HHAT: variants seen among roughly 807,000 people sequenced by gnomAD.
HHAT encodes protein-cysteine N-palmitoyltransferase HHAT.
In HHAT, 47 loss-of-function variants were observed where a neutral mutation model predicts 70.8. That is an observed-to-expected ratio of 0.66 (90% CI 0.53 to 0.85). The LOEUF is 0.85. Among genes scored for constraint, HHAT ranks in the 40% least tolerant of loss-of-function variants. HHAT has a pLI of 0.00. For synonymous variants in HHAT, 228 were observed against 247.6 expected (o/e 0.92, Z 0.74); for missense variants, 609 against 604.8 (o/e 1.01, Z -0.07).
intron 4 of HHAT, among the ~76,000 whole-genome samples, chr1:210,391,166 T>C (rs953253901): frequency 6.6e-5 from 10 of 152,326 alleles, no homozygotes; most frequent in African/African-American, 2.4e-4. Flanking sequence ...ATATCTATTG[T>C]TTTTTGACTT....
At position 210,463,962 on chromosome 1, in the gene HHAT, ATAAT is replaced by A. The variant is rs534328958; in HGVS notation, c.857-541_857-538del. Among the ~76,000 whole-genome samples the A allele has an allele frequency of 2.0e-5, 3 of 152,372 alleles. No homozygotes were observed. The South Asian group carries it at 6.2e-4, about 32-fold the overall frequency. ...ACAGCAAACAGGCATACGATGCATA[ATAAT>A]TGATACAGGCATTCAGTGTGTAATA... On this transcript the variant is annotated intron_variant, in intron 7 of 11. Transcript: ENST00000261458.
At chr1:210,563,448 G>A (rs1440384472) in intron 9 of HHAT, among the ~76,000 whole-genome samples, 2 of 152,138 alleles carry the variant, frequency 1.3e-5, no homozygotes, top group African/African-American at 4.8e-5. Flanking sequence ...GGCAGTTTAT[G>A]GGATAGTGGG....
intron 6 of HHAT, among the ~76,000 whole-genome samples, chr1:210,412,691 C>T (rs898438615): frequency 3.9e-5 from 6 of 152,198 alleles, no homozygotes; most frequent in Non-Finnish European, 1.5e-5. Context: ...CCTCTGGACA[C>T]ATGGTGGTGG....
intron 9 of HHAT, among the ~76,000 whole-genome samples, chr1:210,569,473 C>G (rs1018677449): frequency 6.0e-5 from 9 of 148,990 alleles, no homozygotes; most frequent in Non-Finnish European, 7.4e-5. Flanking sequence ...TTATAATGTA[C>G]CTACATGTCT....
At chr1:210,400,353 G>A (rs1022898537) in intron 4 of HHAT, 115 bp from the exon 5 acceptor site, 25 of 927,334 alleles carry the variant, frequency 2.7e-5, no homozygotes, top group African/African-American at 1.7e-4. Flanking sequence ...GTAATTAAAC[G>A]TGATCCTCTT....
intron 11 of HHAT, among the ~76,000 whole-genome samples, chr1:210,663,421 G>A (rs369391783): frequency 5.3e-5 from 8 of 152,186 alleles, no homozygotes; most frequent in African/African-American, 9.7e-5. Flanking sequence ...GAGCTTCAAT[G>A]GTCAAGTGTA....
chr1:210,447,042 A>T (rs181710796), intron 7 of HHAT, among the ~76,000 whole-genome samples: 14 of 152,180 alleles, frequency 9.2e-5, no homozygotes, highest in African/African-American at 3.1e-4. Flanking sequence ...GTCAGGCTAA[A>T]CCCCTTTATA....
At chr1:210,510,721 C>T (rs1253703602) in intron 8 of HHAT, among the ~76,000 whole-genome samples, 1 of 152,176 alleles carries the variant, frequency 6.6e-6, no homozygotes, top group Non-Finnish European at 1.5e-5. Context: ...CTGGGCATAC[C>T]AGTACCTGCC....
At chr1:210,495,898 C>CT (rs1016048502) in intron 8 of HHAT, among the ~76,000 whole-genome samples, 2 of 149,616 alleles carry the variant, frequency 1.3e-5, no homozygotes, top group Non-Finnish European at 3.0e-5. Context: ...ATCCCAGCTA[C>CT]TTGGGAGTCT....
chr1:210,335,120 A>C (rs908311923), intron 1 of HHAT, among the ~76,000 whole-genome samples: 1 of 152,178 alleles, frequency 6.6e-6, no homozygotes, highest in East Asian at 1.9e-4. Context: ...AATGCTCATA[A>C]AGACAGACAC....
chr1:210,340,720 CAG>C (rs772287536), intron 1 of HHAT, among the ~76,000 whole-genome samples: 1 of 152,080 alleles, frequency 6.6e-6, no homozygotes, highest in African/African-American at 2.4e-5. Context: ...ATTTTTTTAT[CAG>C]AGAGTGTCTA....
intron 8 of HHAT, among the ~76,000 whole-genome samples, chr1:210,489,837 C>CTAT (rs545265236): frequency 6.6e-6 from 1 of 152,156 alleles, no homozygotes; most frequent in Non-Finnish European, 1.5e-5. Flanking sequence ...GATGCTCACC[C>CTAT]TATATCACTT....
chr1:210,638,689 C>A (rs544432365), intron 11 of HHAT, among the ~76,000 whole-genome samples: 2 of 131,912 alleles, frequency 1.5e-5, no homozygotes, highest in South Asian at 2.4e-4. Flanking sequence ...ATTTCGAGAC[C>A]AGCTTAAGCA....
At chr1:210,395,581 C>A (rs189696520) in intron 4 of HHAT, among the ~76,000 whole-genome samples, 363 of 152,234 alleles carry the variant, frequency 2.4e-3, no homozygotes, top group African/African-American at 8.4e-3. Context: ...GAGATTTCCC[C>A]CAACAGAAGT....
intron 10 of HHAT, among the ~76,000 whole-genome samples, chr1:210,609,423 G>GTGT (rs140432386): frequency 0.015 from 2,211 of 152,020 alleles, 59 homozygotes; most frequent in African/African-American, 0.05. Flanking sequence ...ATGTAATGGT[G>GTGT]TGTTAATTCT....
chr1:210,385,165 C>T (rs904490291), intron 3 of HHAT, among the ~76,000 whole-genome samples: 3 of 150,424 alleles, frequency 2.0e-5, no homozygotes, highest in East Asian at 1.9e-4. Context: ...GGAGAAGTTT[C>T]GAGGCATAGG....
intron 7 of HHAT, among the ~76,000 whole-genome samples, chr1:210,444,294 G>T (rs2148370155): frequency 7.9e-6 from 1 of 127,174 alleles, no homozygotes; most frequent in Middle Eastern, 3.9e-3. Context: ...CAAGGATATT[G>T]GTCTAAAATT....
At chr1:210,379,290 A>G (rs747769981) in intron 3 of HHAT, among the ~76,000 whole-genome samples, 5 of 152,190 alleles carry the variant, frequency 3.3e-5, no homozygotes, top group Non-Finnish European at 7.4e-5. Flanking sequence ...TGAGAGTCAT[A>G]GTGTTTGTAT....
rs61156923 is a variant in HHAT at position 210,441,853 on chromosome 1, CT to C, written c.857-22643del. Among the ~76,000 whole-genome samples the C allele has an allele frequency of 3.4e-4, 52 of 151,128 alleles. 1 individual carries two copies. The highest frequency in any genetic ancestry group is 1.7e-3 in the South Asian group (8 of 4,756). ...ACACACATATATACACACACACACA[CT>C]TTTTTTTTATTATACTTTAAGTTTT... On this transcript the variant is annotated intron_variant, in intron 7 of 11. Transcript: ENST00000261458.
Sources: allele counts gnomAD v4.1 joint callset (sites outside exome capture counted in the v4.1 genomes callset), GRCh38; gene constraint gnomAD v4.1.1; transcripts MANE v1.5; gene names NCBI Gene and HGNC (gene_info 2026-07-23, HGNC 2026-07-21).